The following TENM4 variants were observed in gnomAD, a reference collection of about 807,000 sequenced individuals.
TENM4 encodes teneurin-4.
A neutral mutation model predicts 243.3 loss-of-function variants in TENM4; 82 were observed. The ratio of observed to expected loss-of-function variants is 0.34; its 90% CI spans 0.28 to 0.40. TENM4 has a LOEUF of 0.40. Ranked by LOEUF, TENM4 falls within the 10% of genes least tolerant of loss-of-function variation. The pLI, the probability that TENM4 is intolerant of heterozygous loss-of-function variation, is 1.00. For synonymous variants in TENM4, 1,412 were observed against 1,456.3 expected (o/e 0.97, Z 0.69); for missense variants, 3,138 against 3,673.3 (o/e 0.85, Z 3.77).
chr11:78,891,340 C>T lies in TENM4; in HGVS notation c.750-4G>A, dbSNP rs376238870. ...GAATGGCTGCTTGCCTAGGTTTCTA[C>T]GCACACATGGAGACATGAATGAAGC... is the stretch of plus-strand genomic sequence containing the variant. On this transcript the variant is annotated splice_polypyrimidine_tract_variant and splice_region_variant and intron_variant, in intron 7 of 33. Coordinates refer to ENST00000278550, the MANE Select transcript of TENM4 (RefSeq NM_001098816.3). 26 of 1,550,930 alleles carry T rather than the reference C, an allele frequency of 1.7e-5. No homozygotes were observed. The highest frequency in any genetic ancestry group is 4.8e-5 in the South Asian group (4 of 84,060).
chr11:79,000,213 T>A (rs1276230798), intron 6 of TENM4, among the ~76,000 whole-genome samples: 1 of 152,226 alleles, frequency 6.6e-6, no homozygotes, highest in African/African-American at 2.4e-5. Context: ...TGAGAGAATT[T>A]ACTGCTAGGA....
chr11:79,368,702 C>A (rs549422534), intron 1 of TENM4, among the ~76,000 whole-genome samples: 1 of 152,322 alleles, frequency 6.6e-6, no homozygotes, highest in African/African-American at 2.4e-5. Flanking sequence ...ATCATAACAG[C>A]ACCTACCCCA....
At chr11:79,301,574 A>G (rs1361759820) in intron 1 of TENM4, among the ~76,000 whole-genome samples, 4 of 152,160 alleles carry the variant, frequency 2.6e-5, no homozygotes, top group Admixed American at 1.3e-4. Context: ...ACTGTTTGGC[A>G]TGGTTGGTTT....
intron 12 of TENM4, among the ~76,000 whole-genome samples, chr11:78,815,810 G>A (rs1476276129): frequency 6.6e-6 from 1 of 152,212 alleles, no homozygotes; most frequent in African/African-American, 2.4e-5. Context: ...AAACCAACAG[G>A]TGGCTGAGAG....
intron 1 of TENM4, among the ~76,000 whole-genome samples, chr11:79,336,150 T>C (rs1274217316): frequency 6.6e-6 from 1 of 151,940 alleles, no homozygotes; most frequent in Non-Finnish European, 1.5e-5. Context: ...TAATTTTTAA[T>C]CTTTGAATAT....
At chr11:79,025,764 G>A (rs1859063640) in intron 6 of TENM4, among the ~76,000 whole-genome samples, 1 of 152,244 alleles carries the variant, frequency 6.6e-6, no homozygotes, top group African/African-American at 2.4e-5. Context: ...GTCCTAATGA[G>A]GTGCTGTCAG....
intron 28 of TENM4, among the ~76,000 whole-genome samples, chr11:78,695,023 C>T (rs1388220092): frequency 2.0e-5 from 3 of 152,012 alleles, no homozygotes; most frequent in African/African-American, 4.8e-5. Context: ...GGTGCCTCAG[C>T]GTCCTTTATT....
At chr11:79,213,349 C>G (rs1030687531) in intron 3 of TENM4, among the ~76,000 whole-genome samples, 1 of 152,156 alleles carries the variant, frequency 6.6e-6, no homozygotes, top group Non-Finnish European at 1.5e-5. Context: ...CAGGGGCCAA[C>G]AAAGTAGGTC....
rs1034649732 is a variant in TENM4 at position 78,864,736 on chromosome 11, G to A, written c.1085-1604C>T. ...CATGGAAGTAAGCGCTCAAGTCCCT[G>A]GACCCTCATGACACCCTGGATGTAA... On this transcript the variant is annotated intron_variant, in intron 9 of 33. Coordinates refer to ENST00000278550, the MANE Select transcript of TENM4 (RefSeq NM_001098816.3). Among the ~76,000 whole-genome samples the A allele has an allele frequency of 3.3e-5, 5 of 152,278 alleles. No homozygotes were observed. The East Asian group carries it at 7.7e-4, about 24-fold the overall frequency.
At chr11:78,899,437 T>TG (rs901326335) in intron 7 of TENM4, among the ~76,000 whole-genome samples, 1 of 150,166 alleles carries the variant, frequency 6.7e-6, no homozygotes. Context: ...CAGCTGGGCA[T>TG]GGGGGTGGCA....
chr11:79,075,011 A>G (rs1860503839), intron 4 of TENM4, among the ~76,000 whole-genome samples: 1 of 152,186 alleles, frequency 6.6e-6, no homozygotes, highest in African/African-American at 2.4e-5. Flanking sequence ...ATCTAGAGTG[A>G]ACTGTTTCCT....
chr11:79,156,697 T>C (rs141105178), intron 3 of TENM4, among the ~76,000 whole-genome samples: 29 of 152,314 alleles, frequency 1.9e-4, no homozygotes, highest in Non-Finnish European at 3.5e-4. Context: ...AATGCTCTGC[T>C]TATTTGACTG....
intron 27 of TENM4, 125 bp from the exon 28 acceptor site, chr11:78,702,528 G>A: frequency 1.7e-6 from 2 of 1,151,006 alleles, no homozygotes; most frequent in Non-Finnish European, 1.2e-6. Context: ...TGATCCTCAT[G>A]CAGCCTATCA....
chr11:79,239,938 C>T (rs895386555), intron 2 of TENM4, among the ~76,000 whole-genome samples: 6 of 152,110 alleles, frequency 3.9e-5, no homozygotes, highest in African/African-American at 9.7e-5. Context: ...TAAGAACAAC[C>T]GATTGTTGCA....
intron 1 of TENM4, among the ~76,000 whole-genome samples, chr11:79,358,494 G>A (rs76246075): frequency 0.15 from 22,478 of 152,146 alleles, 1,720 homozygotes; most frequent in Non-Finnish European, 0.17. Flanking sequence ...GGGAAAGCAG[G>A]ACACAAACTG....
At chr11:78,903,769 G>C (rs185676467) in intron 6 of TENM4, 8 of 714,310 alleles carry the variant, frequency 1.1e-5, no homozygotes, top group Middle Eastern at 2.3e-4. Context: ...TCTAGCAGGG[G>C]AGTGAAACAA....
Position 78,981,604 on chromosome 11 carries a change from G to A in TENM4, c.494-78081C>T, listed in dbSNP as rs141313189. The stretch of plus-strand genomic sequence containing the variant: ...GGGTTCCCTGGACGGGGAATCATCC[G>A]GACACAATGCCTGGGACTGTAGCAG... On this transcript the variant is annotated intron_variant, in intron 6 of 33. Transcript: ENST00000278550. Among the ~76,000 whole-genome samples the A allele has an allele frequency of 1.9e-3, 287 of 152,282 alleles. 5 individuals carry two copies. Among genetic ancestry groups the A allele is most frequent in the African/African-American group, 6.2e-3 (259 of 41,568 alleles).
At chr11:79,297,199 A>G (rs939408297) in intron 2 of TENM4, among the ~76,000 whole-genome samples, 1 of 152,180 alleles carries the variant, frequency 6.6e-6, no homozygotes, top group African/African-American at 2.4e-5. Context: ...AATAAGCCCC[A>G]CTATTCCCAG....
At chr11:78,880,434 A>G (rs538392806) in intron 9 of TENM4, among the ~76,000 whole-genome samples, 2 of 148,506 alleles carry the variant, frequency 1.3e-5, no homozygotes, top group Admixed American at 6.7e-5. Context: ...TCTGAGAAAC[A>G]CCCAAGAATG....
Sources: gnomAD v4.1 joint callset for allele counts (sites outside exome capture counted in the v4.1 genomes callset) on GRCh38, gnomAD v4.1.1 for gene constraint, MANE v1.5 for transcripts, NCBI Gene and HGNC (gene_info 2026-07-23, HGNC 2026-07-21) for gene names.